Variants in GNAQ observed in about 807,000 individuals in gnomAD.
GNAQ encodes G protein subunit alpha q, also known as guanine nucleotide-binding protein G(q) subunit alpha.
GNAQ carries 8 observed loss-of-function variants against 43.9 expected under a neutral mutation model. The observed-to-expected ratio is 0.18, with a 90% CI of 0.11 to 0.33. The LOEUF (loss-of-function observed/expected upper bound fraction) is 0.33. Among genes scored for constraint, GNAQ ranks in the 10% least tolerant of loss-of-function variants. The pLI is 1.00. For synonymous variants in GNAQ, 155 were observed against 170.7 expected (o/e 0.91, Z 0.71); for missense variants, 158 against 450.8 (o/e 0.35, Z 5.88).
At chr9:77,758,668 A>G (rs1041721307) in intron 5 of GNAQ, among the ~76,000 whole-genome samples, 8 of 152,202 alleles carry the variant, frequency 5.3e-5, no homozygotes, top group African/African-American at 1.9e-4. Flanking sequence ...AATTTTAGAT[A>G]AATGGTAGCA....
intron 2 of GNAQ, among the ~76,000 whole-genome samples, chr9:77,820,828 C>T (rs946531749): frequency 6.6e-6 from 1 of 152,170 alleles, no homozygotes; most frequent in African/African-American, 2.4e-5. Context: ...CTCAACCTTC[C>T]TGAACCTCAG....
chr9:77,736,405 T>C (rs1177987741), intron 5 of GNAQ, among the ~76,000 whole-genome samples: 1 of 152,196 alleles, frequency 6.6e-6, no homozygotes, highest in Admixed American at 6.5e-5. Context: ...AATAAGAACG[T>C]CAAACTCAGC....
intron 5 of GNAQ, among the ~76,000 whole-genome samples, chr9:77,751,622 C>G (rs1825812707): frequency 6.6e-6 from 1 of 152,096 alleles, no homozygotes; most frequent in Admixed American, 6.6e-5. Context: ...GCTACAACCT[C>G]ACTTAAAGCA....
At chr9:77,844,318 T>C (rs1000918385) in intron 2 of GNAQ, among the ~76,000 whole-genome samples, 2 of 152,214 alleles carry the variant, frequency 1.3e-5, no homozygotes, top group African/African-American at 4.8e-5. Context: ...GGGCCCACTG[T>C]TCTCTTCCTC....
chr9:77,943,140 G>A (rs1343196964), intron 1 of GNAQ, among the ~76,000 whole-genome samples: 3 of 152,188 alleles, frequency 2.0e-5, no homozygotes, highest in Non-Finnish European at 4.4e-5. Context: ...GGGCATTGCA[G>A]AACCCATTTC....
chr9:77,907,936 T>C (rs1459737582), intron 2 of GNAQ, among the ~76,000 whole-genome samples: 1 of 152,204 alleles, frequency 6.6e-6, no homozygotes, highest in East Asian at 1.9e-4. Context: ...AAGGTGTTTA[T>C]GGAGTCAAGT....
intron 1 of GNAQ, among the ~76,000 whole-genome samples, chr9:77,971,349 T>C (rs1823234685): frequency 6.6e-6 from 1 of 152,164 alleles, no homozygotes; most frequent in South Asian, 2.1e-4. Context: ...TAGGCCAATA[T>C]CCCTGATGAA....
At chr9:77,758,188 A>G (rs1490714025) in intron 5 of GNAQ, among the ~76,000 whole-genome samples, 1 of 152,238 alleles carries the variant, frequency 6.6e-6, no homozygotes, top group Non-Finnish European at 1.5e-5. Context: ...TTTGTCTTAC[A>G]TTTGCTTTCA....
intron 2 of GNAQ, among the ~76,000 whole-genome samples, chr9:77,837,342 A>AG (rs1158519159): frequency 6.6e-6 from 1 of 152,098 alleles, no homozygotes; most frequent in African/African-American, 2.4e-5. Flanking sequence ...GCCTGAGGTC[A>AG]GGAGTTCAAG....
intron 2 of GNAQ, among the ~76,000 whole-genome samples, chr9:77,880,447 C>G (rs1450058052): frequency 6.6e-6 from 1 of 152,068 alleles, no homozygotes; most frequent in African/African-American, 2.4e-5. Context: ...GTGTTGTGAT[C>G]CTAGCTCACT....
At chr9:77,740,760 A>T (rs1825641144) in intron 5 of GNAQ, among the ~76,000 whole-genome samples, 1 of 152,168 alleles carries the variant, frequency 6.6e-6, no homozygotes, top group Admixed American at 6.5e-5. Context: ...GAATGTTATT[A>T]CTTTTTATGA....
At chr9:77,835,342 T>C (rs991138907) in intron 2 of GNAQ, among the ~76,000 whole-genome samples, 1 of 151,866 alleles carries the variant, frequency 6.6e-6, no homozygotes, top group African/African-American at 2.4e-5. Context: ...ATGGCTAAAC[T>C]TCAACCAAGA....
chr9:77,846,962 C>T (rs1436163491), intron 2 of GNAQ, among the ~76,000 whole-genome samples: 3 of 152,258 alleles, frequency 2.0e-5, no homozygotes, highest in East Asian at 1.9e-4. Flanking sequence ...CCCAAGAACT[C>T]GCCACCCCTC....
intron 1 of GNAQ, among the ~76,000 whole-genome samples, chr9:78,004,276 CAA>C (rs754254450): frequency 4.3e-4 from 35 of 82,060 alleles, no homozygotes; most frequent in Admixed American, 7.2e-4. Flanking sequence ...GACTCTGTCT[CAA>C]AAAAAAAAAA....
At chr9:77,888,892 A>G (rs1828353833) in intron 2 of GNAQ, among the ~76,000 whole-genome samples, 1 of 152,172 alleles carries the variant, frequency 6.6e-6, no homozygotes, top group African/African-American at 2.4e-5. Context: ...GGGAGAGGAC[A>G]CGGAAGAGAT....
At chr9:77,864,320 G>T (rs1415048641) in intron 2 of GNAQ, among the ~76,000 whole-genome samples, 1 of 152,090 alleles carries the variant, frequency 6.6e-6, no homozygotes, top group Non-Finnish European at 1.5e-5. Context: ...AACACTTGGG[G>T]TCAAATTTCA....
At chr9:77,762,977 C>T (rs1210869947) in intron 5 of GNAQ, among the ~76,000 whole-genome samples, 1 of 151,976 alleles carries the variant, frequency 6.6e-6, no homozygotes, top group African/African-American at 2.4e-5. Context: ...GCCGCAGGGT[C>T]CTCTGCCTAG....
intron 2 of GNAQ, among the ~76,000 whole-genome samples, chr9:77,825,425 G>A (rs1277686889): frequency 6.6e-6 from 1 of 152,084 alleles, no homozygotes; most frequent in Non-Finnish European, 1.5e-5. Context: ...CGTGGACCTG[G>A]CAGCCTACAC....
At chr9:77,924,430 T>G (rs1052409304) in intron 1 of GNAQ, among the ~76,000 whole-genome samples, 1 of 152,184 alleles carries the variant, frequency 6.6e-6, no homozygotes, top group Non-Finnish European at 1.5e-5. Flanking sequence ...AAGGCCCAAG[T>G]GTAAACAATC....
Sources: gnomAD v4.1 joint callset for allele counts (sites outside exome capture counted in the v4.1 genomes callset) on GRCh38, gnomAD v4.1.1 for gene constraint, MANE v1.5 for transcripts, NCBI Gene and HGNC (gene_info 2026-07-23, HGNC 2026-07-21) for gene names.